THRAP3: variants seen among roughly 807,000 people sequenced by gnomAD.
THRAP3 encodes thyroid hormone receptor-associated protein 3.
THRAP3 carries 16 observed loss-of-function variants against 101.0 expected under a neutral mutation model. That is an observed-to-expected ratio of 0.16 (90% CI 0.11 to 0.24). The LOEUF (loss-of-function observed/expected upper bound fraction) is 0.24, where lower values mean the gene tolerates loss of function less well. Ranked by LOEUF, THRAP3 falls within the 10% of genes least tolerant of loss-of-function variation. The pLI is 1.00. For missense variants in THRAP3, 989 were observed against 1,202.7 expected (o/e 0.82, Z 2.63); for synonymous variants, 407 against 422.6 (o/e 0.96, Z 0.45).
the THRAP3 span, among the ~76,000 whole-genome samples, chr1:36,207,894 G>A: frequency 1.3e-5 from 2 of 152,252 alleles, no homozygotes; most frequent in Admixed American, 6.5e-5. Flanking sequence ...CCGGGTTCAA[G>A]CGATTCTCCT....
chr1:36,261,488 G>A (rs879730555), intron 2 of THRAP3, among the ~76,000 whole-genome samples: 12 of 152,150 alleles, frequency 7.9e-5, no homozygotes, highest in Non-Finnish European at 1.5e-4. Flanking sequence ...AGCTGAGATC[G>A]CGCCATTGCA....
chr1:36,294,502 G>A (rs1645920398), intron 8 of THRAP3, among the ~76,000 whole-genome samples: 1 of 152,132 alleles, frequency 6.6e-6, no homozygotes, highest in African/African-American at 2.4e-5. Context: ...GTTAAAGCTT[G>A]TATACAATCT....
chr1:36,244,838 C>T (rs893771263), intron 1 of THRAP3, among the ~76,000 whole-genome samples: 2 of 152,054 alleles, frequency 1.3e-5, no homozygotes, highest in Admixed American at 6.6e-5. Context: ...CTGCCTCAGC[C>T]TCCTGAGTAG....
intron 2 of THRAP3, among the ~76,000 whole-genome samples, chr1:36,273,914 A>G (rs1645621185): frequency 6.6e-6 from 1 of 152,090 alleles, no homozygotes; most frequent in Non-Finnish European, 1.5e-5. Flanking sequence ...GTGGTAGCAC[A>G]TGCCTATTAT....
chr1:36,277,451 C>T (rs1645675523), intron 2 of THRAP3, among the ~76,000 whole-genome samples: 1 of 151,954 alleles, frequency 6.6e-6, no homozygotes, highest in Non-Finnish European at 1.5e-5. Flanking sequence ...CCACCCACTT[C>T]AGTCTCCCAA....
At chr1:36,249,786 G>T (rs1456799311) in intron 1 of THRAP3, among the ~76,000 whole-genome samples, 2 of 151,666 alleles carry the variant, frequency 1.3e-5, no homozygotes, top group Non-Finnish European at 2.9e-5. Flanking sequence ...GGACGAGCAT[G>T]TCTAATGGTG....
At chr1:36,277,545 C>G (rs1023684088) in intron 2 of THRAP3, among the ~76,000 whole-genome samples, 4 of 151,276 alleles carry the variant, frequency 2.6e-5, no homozygotes, top group African/African-American at 9.8e-5. Context: ...CGTGCTTTGT[C>G]ACCCAGGCTG....
rs187894311 is a variant in THRAP3, at chr1:36,286,963, C to T, written c.733C>T (p.Arg245Trp). The T allele has an allele frequency of 1.8e-5, 29 of 1,614,208 alleles. No individual in the cohort carries two copies. The highest frequency in any genetic ancestry group is 6.7e-5 in the African/African-American group (5 of 75,070). ...RASAVSELSP[R>W]ERSPALKSPL... ...CTCAGCAGTTTCTGAGCTGAGTCCT[C>T]GGGAGCGAAGCCCAGCTCTCAAAAG... The change falls in exon 4 of 12, where the codon CGG (arginine) becomes TGG (tryptophan). Residue 245 changes from arginine to tryptophan, a missense_variant. Arg to Trp is a moderately radical substitution (Grantham distance 101, BLOSUM62 -3). Coordinates refer to ENST00000354618, the MANE Select transcript of THRAP3 (RefSeq NM_005119.4). This position sits in a 1 kb window ranked among gnomAD's most constrained non-coding sequence, Gnocchi z 5.5.
intron 2 of THRAP3, among the ~76,000 whole-genome samples, chr1:36,275,918 CTG>C (rs749248994): frequency 1.3e-5 from 2 of 152,076 alleles, no homozygotes; most frequent in Admixed American, 6.6e-5. Context: ...ACTCAGGAGA[CTG>C]GGGTGGGCGG....
At chr1:36,226,292 C>T (rs529192367) in intron 1 of THRAP3, among the ~76,000 whole-genome samples, 3 of 152,264 alleles carry the variant, frequency 2.0e-5, no homozygotes, top group African/African-American at 7.2e-5. Flanking sequence ...CAAAGTCTCG[C>T]GCTGTCACCC....
At chr1:36,271,202 C>G (rs1034507388) in intron 2 of THRAP3, among the ~76,000 whole-genome samples, 13 of 152,134 alleles carry the variant, frequency 8.5e-5, no homozygotes, top group Non-Finnish European at 1.6e-4. Context: ...TAAGTTCTAC[C>G]AAATTCCACA....
At chr1:36,251,840 T>C (rs2124456341) in intron 1 of THRAP3, among the ~76,000 whole-genome samples, 1 of 152,334 alleles carries the variant, frequency 6.6e-6, no homozygotes, top group African/African-American at 2.4e-5. Flanking sequence ...AACAGTTTTA[T>C]AGATAAGGGA....
chr1:36,259,107 T>A (rs1645411855), intron 1 of THRAP3, among the ~76,000 whole-genome samples: 2 of 152,218 alleles, frequency 1.3e-5, no homozygotes, highest in Non-Finnish European at 2.9e-5. Flanking sequence ...TGTGAATTAG[T>A]CTTGCATAAT....
chr1:36,274,450 A>G (rs1421396296), intron 2 of THRAP3, among the ~76,000 whole-genome samples: 6 of 152,138 alleles, frequency 3.9e-5, no homozygotes, highest in African/African-American at 1.4e-4. Flanking sequence ...TGTACCTAGA[A>G]TAGCCAAAAC....
upstream of THRAP3, among the ~76,000 whole-genome samples, chr1:36,220,972 A>AAATATATATATAT: frequency 1.1e-5 from 1 of 94,146 alleles, no homozygotes; most frequent in South Asian, 3.3e-4. Context: ...AAAAAAAAAA[A>AAATATATATATAT]ATATATATAT....
At chr1:36,237,468 C>CA (rs1222944821) in intron 1 of THRAP3, among the ~76,000 whole-genome samples, 10,196 of 50,462 alleles carry the variant, frequency 0.2, 840 homozygotes, top group African/African-American at 0.31. Context: ...AACTTCATCT[C>CA]AAAAAAAAAA....
At position 36,293,825 on chromosome 1, in the gene THRAP3, A is replaced by G. The variant is rs116003055; in HGVS notation, c.2031-26A>G. ...TATCATATTCACACAATGGAATACT[A>G]TATCGTTTTGTATTTTCAATTTTAG... is the stretch of plus-strand genomic sequence containing the variant. On this transcript the variant is annotated intron_variant, in intron 7 of 11. Transcript: ENST00000354618. 4,587 of 1,577,360 alleles carry G rather than the reference A, an allele frequency of 2.9e-3. 13 individuals are homozygous for G. The highest frequency in any genetic ancestry group is 3.4e-3 in the Non-Finnish European group (3,863 of 1,147,280).
intron 1 of THRAP3, among the ~76,000 whole-genome samples, chr1:36,236,742 C>T (rs1350607491): frequency 6.6e-6 from 1 of 152,226 alleles, no homozygotes; most frequent in African/African-American, 2.4e-5. Context: ...TAATTAAACT[C>T]TACCTCTCAG....
At chr1:36,252,690 C>G (rs1446700735) in intron 1 of THRAP3, among the ~76,000 whole-genome samples, 2 of 151,704 alleles carry the variant, frequency 1.3e-5, no homozygotes, top group Admixed American at 1.3e-4. Flanking sequence ...GGCAGATCAC[C>G]TGAGGTCAGT....
Sources: allele counts gnomAD v4.1 joint callset (sites outside exome capture counted in the v4.1 genomes callset), GRCh38; gene constraint gnomAD v4.1.1; non-coding constraint Gnocchi (gnomAD v3.1); transcripts MANE v1.5; gene names NCBI Gene and HGNC (gene_info 2026-07-23, HGNC 2026-07-21).